C1GALT1: variants seen among roughly 807,000 people sequenced by gnomAD.
C1GALT1 encodes core 1 synthase, glycoprotein-N-acetylgalactosamine 3-beta-galactosyltransferase 1.
A neutral mutation model predicts 31.0 loss-of-function variants in C1GALT1; 11 were observed. The observed-to-expected ratio is 0.36, with a 90% CI of 0.22 to 0.59. The LOEUF (loss-of-function observed/expected upper bound fraction) is 0.59. Among genes scored for constraint, C1GALT1 ranks in the 20% least tolerant of loss-of-function variants. C1GALT1 has a pLI of 0.79. For synonymous variants in C1GALT1, 175 were observed against 143.6 expected, an observed-to-expected ratio of 1.22 and a Z score of -1.56; for missense variants, 424 against 425.2, an observed-to-expected ratio of 1.00 and a Z score of 0.03.
chr7:7,195,760 A>C (rs1414818854), intron 1 of C1GALT1, among the ~76,000 whole-genome samples: 1 of 152,218 alleles, frequency 6.6e-6, no homozygotes, highest in Non-Finnish European at 1.5e-5. Context: ...TAGTGCCGTC[A>C]GTGGAGTATT....
intron 2 of C1GALT1, among the ~76,000 whole-genome samples, chr7:7,162,232 A>C (rs1780341468): frequency 6.7e-6 from 1 of 149,596 alleles, no homozygotes; most frequent in South Asian, 2.2e-4. Context: ...GTCATGTAGC[A>C]TTAGGTATAT....
intron 1 of C1GALT1, among the ~76,000 whole-genome samples, chr7:7,213,908 G>C (rs1782118312): frequency 6.6e-6 from 1 of 152,134 alleles, no homozygotes; most frequent in South Asian, 2.1e-4. Flanking sequence ...AGACACTGTA[G>C]TTCTTCTACC....
At chr7:7,224,301 G>A (rs969563964) in intron 1 of C1GALT1, among the ~76,000 whole-genome samples, 2 of 151,330 alleles carry the variant, frequency 1.3e-5, no homozygotes, top group African/African-American at 4.9e-5. Flanking sequence ...TTGGATTTTG[G>A]TATCAGGGTA....
At chr7:7,223,067 C>G (rs1782585976) in intron 1 of C1GALT1, among the ~76,000 whole-genome samples, 1 of 152,142 alleles carries the variant, frequency 6.6e-6, no homozygotes, top group Non-Finnish European at 1.5e-5. Flanking sequence ...CCATTTTTGC[C>G]TAACCATAAC....
At chr7:7,228,700 C>G (rs1782921565) in intron 1 of C1GALT1, among the ~76,000 whole-genome samples, 1 of 152,104 alleles carries the variant, frequency 6.6e-6, no homozygotes, top group African/African-American at 2.4e-5. Flanking sequence ...CAAGAGGAGC[C>G]AACACATTCT....
intron 1 of C1GALT1, among the ~76,000 whole-genome samples, chr7:7,191,364 A>G (rs988894297): frequency 1.3e-5 from 2 of 152,082 alleles, no homozygotes; most frequent in African/African-American, 2.4e-5. Flanking sequence ...ATGTAAATAC[A>G]TTTTGCTTGT....
In C1GALT1 at chr7:7,217,735, A is replaced by G. The variant is rs1414115858; in HGVS notation, c.-17-16568A>G. Among the ~76,000 whole-genome samples, 4 of 152,144 alleles carry G rather than the reference A, an allele frequency of 2.6e-5. No homozygotes were observed. The East Asian group carries it at 7.7e-4, about 29-fold the overall frequency. ...GTTGCCCAGGCTGGAGTACAGTGGT[A>G]CAATCATAGTTCATTGCAGCCTTGT... On this transcript the variant is annotated intron_variant, in intron 1 of 3. Coordinates refer to ENST00000436587, the MANE Select transcript of C1GALT1 (RefSeq NM_020156.5).
intron 1 of C1GALT1, among the ~76,000 whole-genome samples, chr7:7,223,735 T>C (rs1467321169): frequency 1.3e-5 from 2 of 152,212 alleles, no homozygotes; most frequent in Non-Finnish European, 2.9e-5. Context: ...CATTACAATC[T>C]ATATGCCTTT....
chr7:7,221,790 G>A (rs1308088377), intron 1 of C1GALT1, among the ~76,000 whole-genome samples: 1 of 152,168 alleles, frequency 6.6e-6, no homozygotes, highest in Non-Finnish European at 1.5e-5. Context: ...CAGACTCCTA[G>A]TGTCTGTTGA....
intron 2 of C1GALT1, among the ~76,000 whole-genome samples, chr7:7,173,199 T>C (rs960021599): frequency 6.6e-6 from 1 of 152,060 alleles, no homozygotes; most frequent in African/African-American, 2.4e-5. Flanking sequence ...AGTGAGTTCT[T>C]GCTCTGGTTC....
Position 7,238,422 on chromosome 7 carries a change from C to A in C1GALT1, c.388C>A (p.Pro130Thr). 3.1e-6 allele frequency: 5 copies of A among 1,613,954 alleles called. No homozygotes were observed. Among genetic ancestry groups the A allele is most frequent in the Non-Finnish European group, 4.2e-6 (5 of 1,179,980 alleles). Residue 130 changes from proline (P) to threonine (T), a missense_variant, in exon 3 of 4, where the codon CCT (proline) becomes ACT (threonine). Physicochemically the swap from Pro to Thr is conservative, Grantham distance 38 (BLOSUM62 -1). This residue lies in a region of C1GALT1 where 189 missense variants were observed against 158.2 expected (regional missense o/e 1.19). Coordinates refer to ENST00000436587, the MANE Select transcript of C1GALT1 (RefSeq NM_020156.5). The surrounding 1 kb of genome is among the most constrained non-coding windows in gnomAD (Gnocchi z 5.2). Reference sequence around the variant, plus strand: ...GAGTTCAGAAGAAAATAAAGACTTCCCTGCTGTGGGACTGAAAACCAAAGA... The same window carrying A: ...GAGTTCAGAAGAAAATAAAGACTTCACTGCTGTGGGACTGAAAACCAAAGA... ...FMSSEENKDF[P>T]AVGLKTKEGR...
chr7:7,216,823 T>TA (rs1192063856), intron 1 of C1GALT1, among the ~76,000 whole-genome samples: 1 of 152,078 alleles, frequency 6.6e-6, no homozygotes, highest in Non-Finnish European at 1.5e-5. Flanking sequence ...CTCAGAAGAG[T>TA]CCTAGAGCCT....
intron 3 of C1GALT1, among the ~76,000 whole-genome samples, chr7:7,242,328 T>C (rs559457065): frequency 6.6e-6 from 1 of 152,028 alleles, no homozygotes; most frequent in South Asian, 2.1e-4. Flanking sequence ...CCTATTTGCT[T>C]TTATTCTGAT....
At chr7:7,240,942 TATTCTAATTCATGAAAGAGTTAC>T (rs1453920728) in intron 3 of C1GALT1, among the ~76,000 whole-genome samples, 1 of 152,096 alleles carries the variant, frequency 6.6e-6, no homozygotes, top group African/African-American at 2.4e-5. Context: ...GGGTAAAAGA[TATTCTAATTCATGAAAGAGTTAC>T]ATTCCTAAAT....
At chr7:7,208,060 G>A (rs1201094898) in intron 1 of C1GALT1, among the ~76,000 whole-genome samples, 1 of 152,058 alleles carries the variant, frequency 6.6e-6, no homozygotes, top group Non-Finnish European at 1.5e-5. Context: ...GTTTCAACCT[G>A]CTTGGGACAT....
chr7:7,227,087 C>G (rs1032414711), intron 1 of C1GALT1, among the ~76,000 whole-genome samples: 6 of 152,108 alleles, frequency 3.9e-5, no homozygotes, highest in Non-Finnish European at 8.8e-5. Flanking sequence ...TTAGAGGGAT[C>G]CTTTAGAGGA....
At chr7:7,166,224 C>T (rs779410128) in intron 2 of C1GALT1, among the ~76,000 whole-genome samples, 1 of 152,114 alleles carries the variant, frequency 6.6e-6, no homozygotes, top group Non-Finnish European at 1.5e-5. Flanking sequence ...GAGTGTAGCA[C>T]AGGTTTAGGG....
In C1GALT1 at chr7:7,246,097, T is replaced by C. The variant is rs1215415823; in HGVS notation, c.*2370T>C. On this transcript the variant is annotated 3_prime_UTR_variant, in exon 4 of 4. Coordinates refer to ENST00000436587, the MANE Select transcript of C1GALT1 (RefSeq NM_020156.5). Reference sequence around the variant, plus strand: ...ACCAGATACTGAAGGAAATAAGTAATAGCTAGTATTTATCCAATGCCAACT... The same window carrying C: ...ACCAGATACTGAAGGAAATAAGTAACAGCTAGTATTTATCCAATGCCAACT... 1 of 152,194 alleles carries C rather than the reference T, an allele frequency of 6.6e-6. No homozygotes were observed. Among genetic ancestry groups the C allele is most frequent in the Non-Finnish European group, 1.5e-5 (1 of 68,028 alleles). 9.4% of individuals were successfully genotyped at this position (152,194 alleles called of 1,614,324 possible). A position where few individuals can be genotyped will look rare whatever the true frequency, so the allele number is the denominator to read the frequency against.
intron 1 of C1GALT1, among the ~76,000 whole-genome samples, chr7:7,233,548 C>T (rs1283982342): frequency 2.0e-5 from 3 of 152,198 alleles, no homozygotes; most frequent in African/African-American, 7.2e-5. Flanking sequence ...GCTGGGATTA[C>T]AGGCATGAGC....
Sources: gnomAD v4.1 joint callset for allele counts (sites outside exome capture counted in the v4.1 genomes callset) on GRCh38, gnomAD v4.1.1 for gene constraint, gnomAD v4.1.1 regional missense constraint, Gnocchi (gnomAD v3.1) non-coding constraint, MANE v1.5 for transcripts, NCBI Gene and HGNC (gene_info 2026-07-23, HGNC 2026-07-21) for gene names.